Variants in DSCAML1 observed in about 807,000 individuals in gnomAD.
DSCAML1 encodes the protein DS cell adhesion molecule like 1, also known as cell adhesion molecule DSCAML1.
In DSCAML1, 38 loss-of-function variants were observed where a neutral mutation model predicts 200.5. The observed-to-expected ratio is 0.19, with a 90% CI of 0.15 to 0.25. The LOEUF (loss-of-function observed/expected upper bound fraction) is 0.25. Ranked by LOEUF, DSCAML1 falls within the 10% of genes least tolerant of loss-of-function variation. The pLI is 1.00. For missense variants in DSCAML1, 2,223 were observed against 2,858.8 expected (o/e 0.78, Z 5.07); for synonymous variants, 1,215 against 1,165.0 (o/e 1.04, Z -0.87).
intron 3 of DSCAML1, among the ~76,000 whole-genome samples, chr11:117,742,766 G>A (rs954424133): frequency 1.3e-5 from 2 of 152,188 alleles, no homozygotes; most frequent in African/African-American, 2.4e-5. Context: ...CAACATACTC[G>A]AATCAGAGAA....
chr11:117,794,042 C>A (rs867681533), intron 1 of DSCAML1, among the ~76,000 whole-genome samples: 3 of 146,034 alleles, frequency 2.1e-5, no homozygotes, highest in Non-Finnish European at 4.5e-5. Context: ...GCCCCCCCCC[C>A]CTTTTTTTAA....
In DSCAML1 at chr11:117,431,004, C is replaced by T; in HGVS notation, c.5404G>A (p.Glu1802Lys). ...TCCTCGTAGGTGGAAGAGGCACTCT[C>T]AGTGGACACCATGCTGTTCCTTCCT... ...DKGRNSMVST[E>K]SASSTYEELA... Residue 1802 changes from glutamate to lysine, a missense_variant, in exon 32 of 33, where the codon GAG becomes AAG. Transcript: ENST00000651296. 1 of 1,613,814 alleles carries T rather than the reference C, an allele frequency of 6.2e-7. No individual in the cohort carries two copies. The highest frequency in any genetic ancestry group is 8.5e-7 in the Non-Finnish European group (1 of 1,179,892).
At chr11:117,689,116 GCAT>G (rs769235217) in intron 3 of DSCAML1, among the ~76,000 whole-genome samples, 2 of 152,186 alleles carry the variant, frequency 1.3e-5, no homozygotes, top group Non-Finnish European at 2.9e-5. Flanking sequence ...CAGGACAGAG[GCAT>G]CATCACCCCA....
At chr11:117,550,293 G>A (rs2050445861) in intron 3 of DSCAML1, among the ~76,000 whole-genome samples, 1 of 152,142 alleles carries the variant, frequency 6.6e-6, no homozygotes, top group Non-Finnish European at 1.5e-5. Flanking sequence ...CAAGGGAACT[G>A]GGCTCATAGA....
At chr11:117,656,800 G>C (rs1406187623) in intron 3 of DSCAML1, among the ~76,000 whole-genome samples, 1 of 152,170 alleles carries the variant, frequency 6.6e-6, no homozygotes, top group Admixed American at 6.5e-5. Flanking sequence ...CCATGCCCAG[G>C]CCAGGGCCTG....
intron 20 of DSCAML1, among the ~76,000 whole-genome samples, chr11:117,444,345 C>T (rs552497900): frequency 3.0e-4 from 45 of 152,156 alleles, no homozygotes; most frequent in Admixed American, 1.2e-3. Flanking sequence ...AGGTGAGGGA[C>T]GGGGTAGCCA....
At chr11:117,575,055 G>T (rs1005694716) in intron 3 of DSCAML1, among the ~76,000 whole-genome samples, 1 of 152,160 alleles carries the variant, frequency 6.6e-6, no homozygotes. Flanking sequence ...ACTGGGCATG[G>T]TCATAGGCGC....
At chr11:117,472,686 AG>A (rs756811192) in intron 14 of DSCAML1, among the ~76,000 whole-genome samples, 2 of 152,202 alleles carry the variant, frequency 1.3e-5, no homozygotes, top group Non-Finnish European at 2.9e-5. Context: ...CGATTTATCC[AG>A]GGAGACTGGT....
chr11:117,521,174 C>A lies in DSCAML1; in HGVS notation c.1169G>T (p.Arg390Leu). ...AAAGTCCTGGGCGGTCTGGGCCTTG[C>A]GGGTAGCGAAGCACTGGTAGGCCCC... The part of the protein sequence containing the change: ...HSGAYQCFAT[R>L]KAQTAQDFAI... Residue 390 changes from arginine to leucine, a missense_variant, in exon 6 of 33, where the codon CGC (arginine) becomes CTC (leucine). By Grantham distance (102) the Arg-to-Leu change is moderately radical. Coordinates refer to ENST00000651296, the MANE Select transcript of DSCAML1 (RefSeq NM_020693.4). The A allele has an allele frequency of 1.9e-6, 3 of 1,614,108 alleles. No homozygotes were observed. The highest frequency in any genetic ancestry group is 2.5e-6 in the Non-Finnish European group (3 of 1,180,028).
intron 16 of DSCAML1, among the ~76,000 whole-genome samples, chr11:117,467,990 TCAGA>T (rs1415356354): frequency 3.3e-5 from 5 of 152,274 alleles, no homozygotes; most frequent in Non-Finnish European, 5.9e-5. Flanking sequence ...CTGACAGGTC[TCAGA>T]CAGGCATGCA....
At chr11:117,535,896 A>AGGGGTGG (rs970151385) in intron 3 of DSCAML1, among the ~76,000 whole-genome samples, 1 of 88,492 alleles carries the variant, frequency 1.1e-5, no homozygotes, top group Non-Finnish European at 2.1e-5. Context: ...ATTTTAAACT[A>AGGGGTGG]GGGGTGGGGG....
At position 117,780,780 on chromosome 11, in the gene DSCAML1, T is replaced by C. The variant is rs765565525; in HGVS notation, c.77A>G (p.Tyr26Cys). The change falls in exon 2 of 33, where the codon TAC (tyrosine) becomes TGC (cysteine). Residue 26 changes from tyrosine (Y) to cysteine (C), a missense_variant. Physicochemically the swap from Tyr to Cys is radical, Grantham distance 194. Transcript: ENST00000651296. The surrounding 1 kb of genome is among the most constrained non-coding windows in gnomAD (Gnocchi z 4.8). ...CTGCTGCAAGGAGTCATTTACAAAGTAGAGGCTGGTGCCAACATCTTCAGG... is the reference window on the plus strand; with the variant it reads ...CTGCTGCAAGGAGTCATTTACAAAGCAGAGGCTGGTGCCAACATCTTCAGG... ...ARPEDVGTSL[Y>C]FVNDSLQQVT... 1.3e-6 allele frequency: 2 copies of C among 1,485,818 alleles called. No individual in the cohort carries two copies. The highest frequency in any genetic ancestry group is 1.8e-6 in the Non-Finnish European group (2 of 1,119,716). 92.0% of individuals were successfully genotyped at this position (1,485,818 alleles called of 1,614,324 possible).
In DSCAML1 at chr11:117,780,692, C is replaced by G; in HGVS notation, c.165G>C (p.Ala55=). ...VPCPAAGSPS[A]ALRWYLATGD... ...CTGTGGCCAGGTACCATCGAAGGGC[C>G]GCGCTGGGGGAGCCCGCGGCCGGGC... The change falls in exon 2 of 33, where the codon GCG becomes GCC. Residue 55 remains alanine, a synonymous_variant. Transcript: ENST00000651296. This position sits in a 1 kb window ranked among gnomAD's most constrained non-coding sequence, Gnocchi z 4.8. 6.3e-7 allele frequency: 1 copy of G among 1,588,098 alleles called. No individual in the cohort carries two copies.
At chr11:117,530,673 C>G (rs941525193) in intron 4 of DSCAML1, among the ~76,000 whole-genome samples, 3 of 152,082 alleles carry the variant, frequency 2.0e-5, no homozygotes, top group East Asian at 3.9e-4. Flanking sequence ...GGCCTTGCCC[C>G]ACATGTGACA....
intron 11 of DSCAML1, among the ~76,000 whole-genome samples, chr11:117,494,517 C>T (rs1262000624): frequency 6.6e-6 from 1 of 152,164 alleles, no homozygotes; most frequent in Non-Finnish European, 1.5e-5. Flanking sequence ...GGAGGGAGAG[C>T]ATGTCAGTTT....
At chr11:117,552,644 G>C (rs1243142783) in intron 3 of DSCAML1, among the ~76,000 whole-genome samples, 3 of 152,176 alleles carry the variant, frequency 2.0e-5, no homozygotes, top group Admixed American at 1.3e-4. Context: ...TATGCAAGAG[G>C]GTCCTGTAAT....
chr11:117,462,201 G>A (rs4938383), intron 17 of DSCAML1, among the ~76,000 whole-genome samples: 1 of 152,166 alleles, frequency 6.6e-6, no homozygotes, highest in African/African-American at 2.4e-5. Flanking sequence ...GACCATTAAA[G>A]CTTCGCTCGT....
chr11:117,745,019 AG>A (rs2054492410), intron 3 of DSCAML1, among the ~76,000 whole-genome samples: 1 of 14,118 alleles, frequency 7.1e-5, no homozygotes, highest in Non-Finnish European at 5.0e-4. Context: ...CAAGACAACC[AG>A]CACACCTCCT....
chr11:117,788,415 C>T (rs1243576689), intron 1 of DSCAML1, among the ~76,000 whole-genome samples: 1 of 152,224 alleles, frequency 6.6e-6, no homozygotes, highest in African/African-American at 2.4e-5. Flanking sequence ...CAACCTCCAC[C>T]TCCCAGGTTT....
Sources: allele counts gnomAD v4.1 joint callset (sites outside exome capture counted in the v4.1 genomes callset), GRCh38; gene constraint gnomAD v4.1.1; non-coding constraint Gnocchi (gnomAD v3.1); transcripts MANE v1.5; gene names NCBI Gene and HGNC (gene_info 2026-07-23, HGNC 2026-07-21).